RBFOX1: variants seen among roughly 807,000 people sequenced by gnomAD.
The protein encoded by RBFOX1 is RNA binding protein fox-1 homolog 1.
A neutral mutation model predicts 57.7 loss-of-function variants in RBFOX1; 8 were observed. The observed-to-expected ratio is 0.14, with a 90% CI of 0.08 to 0.25. The LOEUF (loss-of-function observed/expected upper bound fraction) is 0.25. Ranked by LOEUF, RBFOX1 falls within the 10% of genes least tolerant of loss-of-function variation. The pLI, the probability that RBFOX1 is intolerant of heterozygous loss-of-function variation, is 1.00. For missense variants in RBFOX1, 611 were observed against 548.5 expected (o/e 1.11, Z -1.14); for synonymous variants, 326 against 222.4 (o/e 1.47, Z -4.15).
intron 4 of RBFOX1, among the ~76,000 whole-genome samples, chr16:7,471,742 G>T (rs974709356): frequency 1.3e-5 from 2 of 152,142 alleles, no homozygotes; most frequent in African/African-American, 4.8e-5. Context: ...TTTTAAAGTA[G>T]AAGAGACAGG....
At chr16:5,547,946 G>C (rs1268638609) in intron 2 of RBFOX1, among the ~76,000 whole-genome samples, 2 of 151,740 alleles carry the variant, frequency 1.3e-5, no homozygotes, top group African/African-American at 4.8e-5. Flanking sequence ...GATCCCCTGA[G>C]GTCAGGAGTT....
At chr16:6,998,064 GA>G (rs1308559880) in intron 3 of RBFOX1, among the ~76,000 whole-genome samples, 1 of 151,876 alleles carries the variant, frequency 6.6e-6, no homozygotes, top group African/African-American at 2.4e-5. Flanking sequence ...CTGAGATTTA[GA>G]AAAAATATAG....
At chr16:5,359,201 T>A (rs1316289713) in intron 1 of RBFOX1, among the ~76,000 whole-genome samples, 2 of 152,240 alleles carry the variant, frequency 1.3e-5, no homozygotes, top group African/African-American at 4.8e-5. Context: ...ACATTTTCTT[T>A]ATCCATTCAT....
In RBFOX1 at chr16:6,769,867, G is replaced by T. The variant is rs141120923; in HGVS notation, c.-16+115217G>T. ...CTCACCACGAGTTTGAAGATGATTTGTTTGGAGCGATTTGAAATCAAAGTT... is the reference window on the plus strand; with the variant it reads ...CTCACCACGAGTTTGAAGATGATTTTTTTGGAGCGATTTGAAATCAAAGTT... On this transcript the variant is annotated intron_variant, in intron 3 of 15. Transcript: ENST00000550418. Among the ~76,000 whole-genome samples, 649 of 152,276 alleles carry T rather than the reference G, an allele frequency of 4.3e-3. 7 individuals are homozygous for T. The highest frequency in any genetic ancestry group is 0.015 in the African/African-American group (615 of 41,576).
chr16:5,795,640 C>A (rs2054852370), intron 3 of RBFOX1, among the ~76,000 whole-genome samples: 1 of 152,164 alleles, frequency 6.6e-6, no homozygotes, highest in African/African-American at 2.4e-5. Context: ...CCCCTCCTTA[C>A]CCCTGACCAC....
chr16:7,261,624 C>T (rs552464427), intron 4 of RBFOX1, among the ~76,000 whole-genome samples: 27 of 152,348 alleles, frequency 1.8e-4, no homozygotes, highest in African/African-American at 5.1e-4. Flanking sequence ...GGCTCAGGAA[C>T]TCAGGCTCTG....
intron 4 of RBFOX1, among the ~76,000 whole-genome samples, chr16:5,900,804 C>T (rs980666337): frequency 3.3e-5 from 5 of 152,212 alleles, no homozygotes. Context: ...GAAGAATTCA[C>T]AACCACCGTC....
intron 3 of RBFOX1, among the ~76,000 whole-genome samples, chr16:6,663,661 A>G (rs922544189): frequency 6.6e-6 from 1 of 152,162 alleles, no homozygotes; most frequent in Non-Finnish European, 1.5e-5. Flanking sequence ...TGGGGATTGG[A>G]TTTCTTTTCT....
At chr16:5,613,635 G>A (rs1193835346) in intron 3 of RBFOX1, among the ~76,000 whole-genome samples, 1 of 152,116 alleles carries the variant, frequency 6.6e-6, no homozygotes, top group Non-Finnish European at 1.5e-5. Flanking sequence ...CATTTCATGG[G>A]GGGAGGCAGT....
chr16:6,169,687 T>C (rs1206636735), intron 1 of RBFOX1, among the ~76,000 whole-genome samples: 3 of 152,196 alleles, frequency 2.0e-5, no homozygotes, highest in African/African-American at 4.8e-5. Flanking sequence ...CACTCAGCAG[T>C]GTATGAGTGA....
chr16:6,945,034 C>T (rs924156088), intron 3 of RBFOX1, among the ~76,000 whole-genome samples: 2 of 152,112 alleles, frequency 1.3e-5, no homozygotes, highest in Non-Finnish European at 2.9e-5. Context: ...TCTTAACATT[C>T]TGAATCCCGT....
chr16:6,892,837 C>T lies in RBFOX1; in HGVS notation c.-15-159220C>T, dbSNP rs555794604. 5.1e-5 allele frequency among the ~76,000 whole-genome samples: 7 copies of T among 138,222 alleles called. No individual in the cohort carries two copies. In the East Asian group the frequency reaches 1.3e-3, roughly 26 times the overall value. The allele number at this position is 138,222 out of a possible 152,430, so 90.7% of individuals were successfully genotyped here. A position where few individuals can be genotyped will look rare whatever the true frequency, so the allele number is the denominator to read the frequency against. On this transcript the variant is annotated intron_variant, in intron 3 of 15. Transcript: ENST00000550418. ...CTCTCTCTCTCTCTCTATTCTGCTT[C>T]AGGGTGTTCTGTGCCCCCCTCCCCT... is the stretch of plus-strand genomic sequence containing the variant.
At chr16:5,268,587 T>A (rs1447710620) in intron 1 of RBFOX1, among the ~76,000 whole-genome samples, 4 of 152,230 alleles carry the variant, frequency 2.6e-5, no homozygotes, top group Non-Finnish European at 4.4e-5. Flanking sequence ...TGATTTTTTT[T>A]ATGAGCAACT....
chr16:7,461,770 G>A lies in RBFOX1; in HGVS notation c.28-56377G>A, dbSNP rs143060130. 4.9e-3 allele frequency among the ~76,000 whole-genome samples: 748 copies of A among 152,254 alleles called. 1 individual carries two copies. Among genetic ancestry groups the A allele is most frequent in the Non-Finnish European group, 7.7e-3 (527 of 68,038 alleles). On this transcript the variant is annotated intron_variant, in intron 4 of 15. Coordinates refer to ENST00000550418, the MANE Select transcript of RBFOX1 (RefSeq NM_018723.4). ...GTTAAGAGTTTCCCAGCCCTCGGAG[G>A]TAGTGAGTGTTGGCATTAGAGCTTA...
At chr16:7,004,228 A>G (rs2093098690) in intron 3 of RBFOX1, 1 of 152,164 alleles carries the variant, frequency 6.6e-6, no homozygotes, top group Non-Finnish European at 1.5e-5. Flanking sequence ...TTATCTTTTG[A>G]ATCTTATGCA....
rs183616426 is a variant in RBFOX1 at position 6,574,856 on chromosome 16, G to A, written c.-63-79747G>A. On this transcript the variant is annotated intron_variant, in intron 2 of 15. Transcript: ENST00000550418. Reference sequence around the variant, plus strand: ...GATCCAGACCATCCTGGATAACACGGTGAAACCCCGTCTCTACTAAAAATA... The same window carrying A: ...GATCCAGACCATCCTGGATAACACGATGAAACCCCGTCTCTACTAAAAATA... Among the ~76,000 whole-genome samples, 414 of 149,816 alleles carry A rather than the reference G, an allele frequency of 2.8e-3. 3 individuals are homozygous for A. The highest frequency in any genetic ancestry group is 9.4e-3 in the African/African-American group (384 of 41,008).
At chr16:6,744,279 T>C (rs1221333561) in intron 3 of RBFOX1, among the ~76,000 whole-genome samples, 1 of 152,138 alleles carries the variant, frequency 6.6e-6, no homozygotes, top group Non-Finnish European at 1.5e-5. Flanking sequence ...AGTCTCTCAA[T>C]AACTGACAGA....
In RBFOX1 at chr16:7,329,894, A is replaced by C. The variant is rs978126302; in HGVS notation, c.28-188253A>C. On this transcript the variant is annotated intron_variant, in intron 4 of 15. Transcript: ENST00000550418. ...TATATCTCTTATTTCTATCCTACTA[A>C]AATCAGCAGATTCTTTTATATATAA... Among the ~76,000 whole-genome samples the C allele has an allele frequency of 2.6e-5, 4 of 152,166 alleles. No individual in the cohort carries two copies. The South Asian group carries it at 8.3e-4, about 32-fold the overall frequency.
intron 2 of RBFOX1, among the ~76,000 whole-genome samples, chr16:5,469,582 C>T (rs192846769): frequency 5.8e-4 from 88 of 152,230 alleles, no homozygotes; most frequent in African/African-American, 1.9e-3. Flanking sequence ...ATTCACAATG[C>T]GGTGCCACCA....
Sources: allele counts gnomAD v4.1 joint callset (sites outside exome capture counted in the v4.1 genomes callset), GRCh38; gene constraint gnomAD v4.1.1; transcripts MANE v1.5; gene names NCBI Gene and HGNC (gene_info 2026-07-23, HGNC 2026-07-21).